The following CSPP1 variants were observed in gnomAD, a reference collection of about 807,000 sequenced individuals.
CSPP1 encodes the protein centrosome and spindle pole-associated protein 1.
CSPP1 carries 126 observed loss-of-function variants against 164.4 expected under a neutral mutation model. The ratio of observed to expected loss-of-function variants is 0.77; its 90% CI spans 0.66 to 0.89. CSPP1 has a LOEUF of 0.89. Among genes scored for constraint, CSPP1 ranks in the 40% least tolerant of loss-of-function variants. The pLI is 0.00. For synonymous variants in CSPP1, 472 were observed against 476.7 expected (o/e 0.99, Z 0.13); for missense variants, 1,395 against 1,449.8 (o/e 0.96, Z 0.61).
chr8:67,161,847 C>G lies in CSPP1; in HGVS notation c.2575C>G (p.Gln859Glu), dbSNP rs767509180. Residue 859 changes from glutamine (Q) to glutamate (E), a missense_variant, in exon 22 of 31, where the codon CAG becomes GAG. Gln to Glu is a conservative substitution (Grantham distance 29). Transcript: ENST00000678616. ...RQPSPIVPAL[Q>E]NKIASKLQRP... ...GCCTTCTCCTATAGTTCCTGCTCTT[C>G]AGAACAAAATTGCAAGCAAACTCCA... is the stretch of plus-strand genomic sequence containing the variant. The G allele has an allele frequency of 1.2e-6, 2 of 1,613,650 alleles. No individual in the cohort carries two copies. The highest frequency in any genetic ancestry group is 1.3e-5 in the African/African-American group (1 of 75,016).
intron 3 of CSPP1, among the ~76,000 whole-genome samples, 161 bp from the exon 4 acceptor site, chr8:67,085,846 G>A (rs1180327892): frequency 6.6e-6 from 1 of 152,086 alleles, no homozygotes; most frequent in Non-Finnish European, 1.5e-5. Context: ...TTGATTATCT[G>A]AATGTATTAT....
Position 67,164,517 on chromosome 8 carries a change from A to C in CSPP1, c.2828+9A>C, listed in dbSNP as rs769650865. The C allele has an allele frequency of 6.8e-6, 9 of 1,323,908 alleles. No homozygotes were observed. The highest frequency in any genetic ancestry group is 8.7e-6 in the Non-Finnish European group (8 of 922,306). 82.0% of individuals were successfully genotyped at this position (1,323,908 alleles called of 1,614,324 possible). ...GATGAAATTCCTATCAGGCAAGTTTAGAATTGCAGTTTTTGTGTTCGCTTG... is the reference window on the plus strand; with the variant it reads ...GATGAAATTCCTATCAGGCAAGTTTCGAATTGCAGTTTTTGTGTTCGCTTG... On this transcript the variant is annotated intron_variant, in intron 24 of 30. Transcript: ENST00000678616.
At chr8:67,116,734 G>A (rs1818002482) in intron 13 of CSPP1, among the ~76,000 whole-genome samples, 1 of 151,948 alleles carries the variant, frequency 6.6e-6, no homozygotes, top group Non-Finnish European at 1.5e-5. Context: ...ATATTTTCTG[G>A]GCTATACTTT....
At chr8:67,190,379 G>C (rs1041271031) in intron 28 of CSPP1, among the ~76,000 whole-genome samples, 2 of 152,210 alleles carry the variant, frequency 1.3e-5, no homozygotes, top group African/African-American at 4.8e-5. Context: ...TGTTGAAACA[G>C]AGCCGTGTTT....
chr8:67,091,901 G>A lies in CSPP1; in HGVS notation c.384+18G>A. 8.9e-7 allele frequency: 1 copy of A among 1,117,546 alleles called. No homozygotes were observed. The allele number at this position is 1,117,546 out of a possible 1,614,324, so 69.2% of individuals were successfully genotyped here. ...CTGCTAAGGTAGGTGGATAGGAGTA[G>A]TTATTGTGGGTACCAGTTTTCCGAG... On this transcript the variant is annotated intron_variant, in intron 5 of 30. Transcript: ENST00000678616.
intron 4 of CSPP1, 151 bp from the exon 5 acceptor site, chr8:67,091,652 T>C: frequency 3.7e-6 from 1 of 267,610 alleles, no homozygotes; most frequent in Non-Finnish European, 7.1e-6. Context: ...ATGGTCTATA[T>C]AGATTTGTAG....
chr8:67,184,045 G>T (rs936109602), intron 28 of CSPP1, among the ~76,000 whole-genome samples: 1 of 151,966 alleles, frequency 6.6e-6, no homozygotes, highest in African/African-American at 2.4e-5. Context: ...TAGAGACGGG[G>T]TTTCACCGTG....
chr8:67,163,905 T>G, intron 23 of CSPP1, 107 bp downstream of exon 23: 277 of 836,206 alleles, frequency 3.3e-4, no homozygotes, highest in Non-Finnish European at 4.9e-4. Flanking sequence ...ATAGAGCGGT[T>G]AGGTGCTGTG....
intron 19 of CSPP1, among the ~76,000 whole-genome samples, chr8:67,157,250 GA>G (rs1157104600): frequency 1.3e-5 from 2 of 151,876 alleles, no homozygotes; most frequent in African/African-American, 4.8e-5. Context: ...AGAAGTGTTG[GA>G]AAAAGCCCTA....
At chr8:67,085,655 A>G (rs1320228691) in intron 3 of CSPP1, among the ~76,000 whole-genome samples, 1 of 152,096 alleles carries the variant, frequency 6.6e-6, no homozygotes, top group African/African-American at 2.4e-5. Flanking sequence ...TAACTGGAGG[A>G]AAAAGTGAAT....
chr8:67,110,511 G>A (rs2129549062), intron 9 of CSPP1, among the ~76,000 whole-genome samples: 1 of 152,120 alleles, frequency 6.6e-6, no homozygotes, highest in East Asian at 1.9e-4. Context: ...AGGCCAAATG[G>A]AATTTCACTC....
At chr8:67,151,086 A>C (rs1199109066) in intron 18 of CSPP1, among the ~76,000 whole-genome samples, 1 of 152,208 alleles carries the variant, frequency 6.6e-6, no homozygotes, top group East Asian at 1.9e-4. Flanking sequence ...TGCATCTTTC[A>C]AGGCTTTGAT....
At chr8:67,132,982 T>C (rs1333665553) in intron 16 of CSPP1, among the ~76,000 whole-genome samples, 1 of 152,216 alleles carries the variant, frequency 6.6e-6, no homozygotes. Flanking sequence ...TGGGCAACTT[T>C]CTTGAAAGAT....
chr8:67,100,913 G>T (rs945960838), intron 7 of CSPP1, among the ~76,000 whole-genome samples: 2 of 151,944 alleles, frequency 1.3e-5, no homozygotes, highest in Admixed American at 6.6e-5. Flanking sequence ...AAAACCTCTA[G>T]GTTGGGTGAT....
intron 22 of CSPP1, among the ~76,000 whole-genome samples, chr8:67,162,333 G>A (rs1171045268): frequency 6.6e-6 from 1 of 152,194 alleles, no homozygotes; most frequent in East Asian, 1.9e-4. Flanking sequence ...GGCACATGTG[G>A]AGAATCTTCC....
At chr8:67,076,343 T>C in intron 2 of CSPP1, 139 bp from the exon 3 acceptor site, 1 of 389,332 alleles carries the variant, frequency 2.6e-6, no homozygotes, top group Non-Finnish European at 4.5e-6. Flanking sequence ...CTTTGGCTAA[T>C]TCCTCAAACC....
intron 28 of CSPP1, among the ~76,000 whole-genome samples, chr8:67,181,959 A>G (rs1833162962): frequency 6.6e-6 from 1 of 152,204 alleles, no homozygotes; most frequent in South Asian, 2.1e-4. Context: ...TTCACTTCAC[A>G]TAACATCTTT....
chr8:67,136,176 A>G (rs1822220259), intron 16 of CSPP1, among the ~76,000 whole-genome samples: 1 of 152,218 alleles, frequency 6.6e-6, no homozygotes, highest in African/African-American at 2.4e-5. Context: ...AGAATTACCA[A>G]AATGTGACAC....
intron 21 of CSPP1, among the ~76,000 whole-genome samples, chr8:67,161,165 C>G (rs1483785960): frequency 6.6e-6 from 1 of 152,174 alleles, no homozygotes; most frequent in African/African-American, 2.4e-5. Flanking sequence ...TTTATCAAAA[C>G]TAATGTCTTT....
Sources: allele counts gnomAD v4.1 joint callset (sites outside exome capture counted in the v4.1 genomes callset), GRCh38; gene constraint gnomAD v4.1.1; transcripts MANE v1.5; gene names NCBI Gene and HGNC (gene_info 2026-07-23, HGNC 2026-07-21).